The following TTC39C variants were observed in gnomAD, a reference collection of about 807,000 sequenced individuals.
The protein encoded by TTC39C is tetratricopeptide repeat domain 39C, also known as tetratricopeptide repeat protein 39C.
Under a neutral mutation model 76.3 loss-of-function variants are expected in TTC39C, and 33 were observed. The observed-to-expected ratio is 0.43, with a 90% confidence interval of 0.33 to 0.58. The LOEUF (loss-of-function observed/expected upper bound fraction) is 0.58, where lower values mean the gene tolerates loss of function less well. TTC39C is among the 20% of genes least tolerant of loss of function. The probability of loss-of-function intolerance (pLI) is 0.04; values close to 1 mark genes in which losing one functional copy is unlikely to be tolerated. For missense variants in TTC39C, 595 were observed against 701.4 expected (o/e 0.85, Z 1.71); for synonymous variants, 254 against 260.6 (o/e 0.97, Z 0.24).
intron 1 of TTC39C, among the ~76,000 whole-genome samples, 158 bp from the exon 2 acceptor site, chr18:24,063,982 C>G (rs1377459981): frequency 1.3e-5 from 2 of 152,178 alleles, no homozygotes; most frequent in African/African-American, 4.8e-5. Flanking sequence ...GCCTCTTTAA[C>G]TTCTTTATTA....
At chr18:24,044,993 G>A (rs1212298438) in intron 1 of TTC39C, among the ~76,000 whole-genome samples, 1 of 152,060 alleles carries the variant, frequency 6.6e-6, no homozygotes, top group African/African-American at 2.4e-5. Flanking sequence ...TCCGGGCCAG[G>A]TGCGGTGGCT....
At chr18:24,002,779 T>C (rs1401433053) in intron 1 of TTC39C, among the ~76,000 whole-genome samples, 3 of 152,146 alleles carry the variant, frequency 2.0e-5, no homozygotes, top group Non-Finnish European at 2.9e-5. Context: ...GCCCTGCAGA[T>C]GCCTGAGATC....
intron 1 of TTC39C, 37 bp from the exon 2 acceptor site, chr18:24,064,103 A>T: frequency 6.2e-7 from 1 of 1,607,622 alleles, no homozygotes; most frequent in Non-Finnish European, 8.5e-7. Flanking sequence ...AGTGAAAATA[A>T]TTGTATTTTG....
chr18:24,128,775 A>G (rs2085083504), intron 10 of TTC39C, 111 bp from the exon 11 acceptor site: 4 of 812,078 alleles, frequency 4.9e-6, no homozygotes, highest in Non-Finnish European at 7.7e-6. Flanking sequence ...TTTTAGGTTC[A>G]TATCAGGAGG....
intron 1 of TTC39C, chr18:24,015,296 C>G (rs2145641398): frequency 2.7e-6 from 1 of 365,316 alleles, no homozygotes; most frequent in Non-Finnish European, 4.9e-6. Context: ...CCGCAGTCCC[C>G]CTCTCACTTT....
chr18:24,069,179 C>T lies in TTC39C; in HGVS notation c.368C>T (p.Pro123Leu), dbSNP rs750316061. The T allele has an allele frequency of 2.5e-6, 4 of 1,613,818 alleles. No homozygotes were observed. In the Admixed American group the frequency reaches 6.7e-5, roughly 27 times the overall value. The change falls in exon 4 of 14, where the codon CCC becomes CTC. Residue 123 changes from proline (P) to leucine (L), a missense_variant. By Grantham distance (98) the Pro-to-Leu change is moderately conservative. Transcript: ENST00000317571. Reference sequence around the variant, plus strand: ...CAGGTTGATGTCCGAAAATCCGCCCCCTCTATGGTTGATCGGCTTCAGAGG... The same window carrying T: ...CAGGTTGATGTCCGAAAATCCGCCCTCTCTATGGTTGATCGGCTTCAGAGG... ...KKNVDVRKSA[P>L]SMVDRLQRQI...
intron 1 of TTC39C, among the ~76,000 whole-genome samples, chr18:23,996,657 C>T (rs1434969964): frequency 1.3e-5 from 2 of 152,190 alleles, no homozygotes; most frequent in African/African-American, 4.8e-5. Flanking sequence ...AGTCCCAAGC[C>T]CCATACCTAC....
At chr18:24,062,175 C>A (rs1034663843) in intron 1 of TTC39C, among the ~76,000 whole-genome samples, 1 of 152,134 alleles carries the variant, frequency 6.6e-6, no homozygotes, top group Non-Finnish European at 1.5e-5. Flanking sequence ...AATTAATTGC[C>A]GCAGCTCTCA....
intron 3 of TTC39C, 68 bp downstream of exon 3, chr18:24,066,208 G>C (rs1268058158): frequency 6.6e-7 from 1 of 1,525,156 alleles, no homozygotes; most frequent in Non-Finnish European, 8.7e-7. Flanking sequence ...TGTTCATTTA[G>C]AACAAAAGCC....
chr18:24,064,524 T>C (rs538430137), intron 2 of TTC39C, among the ~76,000 whole-genome samples: 1 of 152,166 alleles, frequency 6.6e-6, no homozygotes, highest in African/African-American at 2.4e-5. Context: ...TCTGAAATTA[T>C]TGAGTAAATG....
At chr18:23,999,100 G>A (rs539626626) in intron 1 of TTC39C, among the ~76,000 whole-genome samples, 19 of 152,306 alleles carry the variant, frequency 1.2e-4, no homozygotes, top group African/African-American at 4.6e-4. Context: ...GTCTGTGCCA[G>A]TTTATGTGTT....
At chr18:24,084,433 C>T (rs192922046) in intron 6 of TTC39C, among the ~76,000 whole-genome samples, 94 of 152,066 alleles carry the variant, frequency 6.2e-4, no homozygotes, top group African/African-American at 2.0e-3. Flanking sequence ...TGTAGTGAGC[C>T]GAGATTGCGC....
At chr18:24,090,607 A>G (rs2084504302) in intron 6 of TTC39C, among the ~76,000 whole-genome samples, 1 of 151,822 alleles carries the variant, frequency 6.6e-6, no homozygotes. Flanking sequence ...CTGATCCTAA[A>G]CTCAAGGGCC....
intron 1 of TTC39C, among the ~76,000 whole-genome samples, chr18:24,051,567 T>G (rs898597163): frequency 1.3e-5 from 2 of 152,162 alleles, no homozygotes; most frequent in African/African-American, 4.8e-5. Context: ...TCCAAACATT[T>G]GTGAATCAAA....
intron 1 of TTC39C, among the ~76,000 whole-genome samples, chr18:24,023,965 TATATATATATATATACATATATATATA>T (rs2083553411): frequency 1.9e-4 from 2 of 10,530 alleles, no homozygotes; most frequent in African/African-American, 3.4e-4. Context: ...TATATATATA[TATATATATATATATACATATATATATA>T]TATATATATA....
At chr18:24,126,352 C>G (rs2085051054) in intron 10 of TTC39C, among the ~76,000 whole-genome samples, 1 of 148,468 alleles carries the variant, frequency 6.7e-6, no homozygotes, top group Non-Finnish European at 1.5e-5. Context: ...TCTTTTTGAC[C>G]AAATATAGCA....
chr18:24,032,827 A>G (rs2083687011), intron 1 of TTC39C, among the ~76,000 whole-genome samples: 1 of 152,284 alleles, frequency 6.6e-6, no homozygotes, highest in Non-Finnish European at 1.5e-5. Context: ...CAGTTAGCTC[A>G]TGCTATAAAA....
In TTC39C at chr18:24,133,185, C is replaced by T. The variant is rs928906622; in HGVS notation, c.*611C>T. 2.6e-5 allele frequency: 4 copies of T among 152,190 alleles called. No homozygotes were observed. Among genetic ancestry groups the T allele is most frequent in the Admixed American group, 6.5e-5 (1 of 15,278 alleles). 9.4% of individuals were successfully genotyped at this position (152,190 alleles called of 1,614,324 possible). ...AATGAATAGAAAGCAGATCTCCTGACCACCAACTGACTTTTATTGTAAAAA... is the reference window on the plus strand; with the variant it reads ...AATGAATAGAAAGCAGATCTCCTGATCACCAACTGACTTTTATTGTAAAAA... On this transcript the variant is annotated 3_prime_UTR_variant, in exon 14 of 14. Transcript: ENST00000317571.
chr18:24,072,180 G>A (rs534032697), intron 4 of TTC39C, among the ~76,000 whole-genome samples: 1 of 151,254 alleles, frequency 6.6e-6, no homozygotes, highest in Non-Finnish European at 1.5e-5. Context: ...GGAGATGTTT[G>A]TTATGGGTGG....
Sources: gnomAD v4.1 joint callset for allele counts (sites outside exome capture counted in the v4.1 genomes callset) on GRCh38, gnomAD v4.1.1 for gene constraint, MANE v1.5 for transcripts, NCBI Gene and HGNC (gene_info 2026-07-23, HGNC 2026-07-21) for gene names.